Variants in CTBP1 observed in about 807,000 individuals in gnomAD.
CTBP1 encodes the protein C-terminal binding protein 1.
In CTBP1, 11 loss-of-function variants were observed where a neutral mutation model predicts 42.1. That is an observed-to-expected ratio of 0.26 (90% CI 0.16 to 0.43). The LOEUF (loss-of-function observed/expected upper bound fraction) is 0.43. Among genes scored for constraint, CTBP1 ranks in the 20% least tolerant of loss-of-function variants. The pLI, the probability that CTBP1 is intolerant of heterozygous loss-of-function variation, is 1.00. For missense variants in CTBP1, 399 were observed against 624.3 expected, an observed-to-expected ratio of 0.64 and a Z score of 3.85; for synonymous variants, 324 against 277.1, an observed-to-expected ratio of 1.17 and a Z score of -1.68.
intron 3 of CTBP1, among the ~76,000 whole-genome samples, chr4:1,229,147 C>T (rs989107380): frequency 1.3e-5 from 2 of 152,224 alleles, no homozygotes; most frequent in South Asian, 2.1e-4. Flanking sequence ...GCCAAGGGCT[C>T]CCAGTTACCC....
intron 5 of CTBP1, among the ~76,000 whole-genome samples, chr4:1,222,324 C>T (rs920755889): frequency 6.6e-6 from 1 of 151,760 alleles, no homozygotes; most frequent in Non-Finnish European, 1.5e-5. Flanking sequence ...GCTCGTGTCC[C>T]TAAGGACAGA....
chr4:1,223,729 C>A (rs1294096026), intron 5 of CTBP1, among the ~76,000 whole-genome samples: 2 of 151,712 alleles, frequency 1.3e-5, no homozygotes, highest in African/African-American at 4.8e-5. Context: ...CCCAGATGCT[C>A]CCCCTCCCTC....
chr4:1,225,390 G>GTCACCTCGCCACCCC lies in CTBP1; in HGVS notation c.483_484insGGGGTGGCGAGGTGA (p.Ile161_Arg162insGlyValAlaArgTer). The stretch of plus-strand genomic sequence containing the variant: ...CCGATGATGCCCAAGGTCTCCCCGC[G>GTCACCTCGCCACCCC]GATCCTGGCAGCGCCGGACGCCACC... On this transcript the variant is annotated stop_gained and inframe_insertion, in exon 5 of 10. Coordinates refer to ENST00000382952, the MANE Select transcript of CTBP1 (RefSeq NM_001012614.2). LOFTEE classifies it high-confidence loss of function. 1 of 1,567,170 alleles carries GTCACCTCGCCACCCC rather than the reference G, an allele frequency of 6.4e-7. No individual in the cohort carries two copies. The highest frequency in any genetic ancestry group is 8.6e-7 in the Non-Finnish European group (1 of 1,161,098).
chr4:1,242,640 C>A, intron 1 of CTBP1: 1 of 985,448 alleles, frequency 1.0e-6, no homozygotes, highest in Non-Finnish European at 1.2e-6. Context: ...CCCAACACCA[C>A]TCCTCATGGC....
In CTBP1 at chr4:1,238,426, C is replaced by A; in HGVS notation, c.8-89G>T. The A allele has an allele frequency of 1.4e-6, 2 of 1,441,854 alleles. No individual in the cohort carries two copies. Among genetic ancestry groups the A allele is most frequent in the Non-Finnish European group, 1.8e-6 (2 of 1,086,072 alleles). The allele number at this position is 1,441,854 out of a possible 1,614,324, so 89.3% of individuals were successfully genotyped here. On this transcript the variant is annotated intron_variant, in intron 2 of 9. Coordinates refer to ENST00000382952, the MANE Select transcript of CTBP1 (RefSeq NM_001012614.2). The surrounding 1 kb of genome is among the most constrained non-coding windows in gnomAD (Gnocchi z 5.9). ...ACGCCACCCACTGTGCACGGGCCAA[C>A]GAGGGCCGACCGCCGGGGGTTTTCT... is the stretch of plus-strand genomic sequence containing the variant.
At chr4:1,237,183 C>T (rs934014056) in intron 3 of CTBP1, 15 of 665,936 alleles carry the variant, frequency 2.3e-5, no homozygotes, top group Non-Finnish European at 3.5e-5. Flanking sequence ...TCAGGATAAA[C>T]CGAGTGTCCA....
Position 1,224,810 on chromosome 4 carries a change from C to T in CTBP1, c.514+550G>A, listed in dbSNP as rs576748208. On this transcript the variant is annotated intron_variant, in intron 5 of 9. Transcript: ENST00000382952. ...GATGTCCATGTGTGATTTCTGTGTG[C>T]GCCCGTGAGGTCATGTATACTGTGA... Among the ~76,000 whole-genome samples the T allele has an allele frequency of 1.6e-3, 236 of 147,578 alleles. 1 individual carries two copies. Among genetic ancestry groups the T allele is most frequent in the African/African-American group, 5.6e-3 (224 of 39,666 alleles).
chr4:1,238,806 C>G lies in CTBP1; in HGVS notation c.8-469G>C, dbSNP rs1395044211. Among the ~76,000 whole-genome samples the G allele has an allele frequency of 6.6e-6, 1 of 151,588 alleles. No homozygotes were observed. Among genetic ancestry groups the G allele is most frequent in the Non-Finnish European group, 1.5e-5 (1 of 67,894 alleles). Reference sequence around the variant, plus strand: ...CTAGGCCCTCCAAGACCCTCTGAGACCCCCCGAGACCCTCCCAGACCGTCC... The same window carrying G: ...CTAGGCCCTCCAAGACCCTCTGAGAGCCCCCGAGACCCTCCCAGACCGTCC... On this transcript the variant is annotated intron_variant, in intron 2 of 9. Coordinates refer to ENST00000382952, the MANE Select transcript of CTBP1 (RefSeq NM_001012614.2). The surrounding 1 kb of genome is among the most constrained non-coding windows in gnomAD (Gnocchi z 5.9).
At chr4:1,223,686 G>A (rs1220501168) in intron 5 of CTBP1, among the ~76,000 whole-genome samples, 1 of 151,352 alleles carries the variant, frequency 6.6e-6, no homozygotes, top group Admixed American at 6.6e-5. Context: ...CACCCTCTCA[G>A]GGAGCACCTT....
intron 8 of CTBP1, among the ~76,000 whole-genome samples, 161 bp downstream of exon 8, chr4:1,213,317 T>TA (rs1157622445): frequency 2.6e-5 from 4 of 152,126 alleles, no homozygotes; most frequent in African/African-American, 7.2e-5. Flanking sequence ...GGGCTCAACT[T>TA]GACTTTGGCC....
intron 1 of CTBP1, chr4:1,244,125 A>G: frequency 1.0e-6 from 1 of 985,362 alleles, no homozygotes; most frequent in Non-Finnish European, 1.2e-6. Context: ...CGATGACCCC[A>G]GAGCCTCCTG....
rs1219053824 is a variant in CTBP1, at chr4:1,214,565, G to C, written c.730-92C>G. On this transcript the variant is annotated intron_variant, in intron 6 of 9. Coordinates refer to ENST00000382952, the MANE Select transcript of CTBP1 (RefSeq NM_001012614.2). The stretch of plus-strand genomic sequence containing the variant: ...AGGTGGTCACGCACGCCGTTGGGAA[G>C]GCCCAGCTCCCTAGCCCCTTCCCAG... 7 of 1,446,198 alleles carry C rather than the reference G, an allele frequency of 4.8e-6. No homozygotes were observed. In the East Asian group the frequency reaches 2.0e-4, roughly 41 times the overall value. The allele number at this position is 1,446,198 out of a possible 1,614,324, so 89.6% of individuals were successfully genotyped here.
chr4:1,225,763 C>T (rs549879968), intron 4 of CTBP1, among the ~76,000 whole-genome samples, 197 bp from the exon 5 acceptor site: 88 of 152,302 alleles, frequency 5.8e-4, no homozygotes, highest in African/African-American at 2.0e-3. Flanking sequence ...TCCAGGAGCC[C>T]CACCTCCACT....
intron 3 of CTBP1, chr4:1,234,781 CA>C (rs1731314300): frequency 6.6e-6 from 1 of 152,200 alleles, no homozygotes; most frequent in Non-Finnish European, 1.5e-5. Flanking sequence ...GGGCACTGTC[CA>C]AACCGAGCTG....
chr4:1,246,974 T>C (rs546284563), intron 1 of CTBP1, among the ~76,000 whole-genome samples: 1 of 152,172 alleles, frequency 6.6e-6, no homozygotes, highest in African/African-American at 2.4e-5. Flanking sequence ...CACCAGGACA[T>C]GGCAGGGGGC....
chr4:1,224,296 C>T (rs1469690405), intron 5 of CTBP1, among the ~76,000 whole-genome samples: 4 of 151,766 alleles, frequency 2.6e-5, no homozygotes, highest in Admixed American at 1.3e-4. Flanking sequence ...TCTGTATGTC[C>T]CCGTGCGGCC....
In CTBP1 at chr4:1,241,405, C is replaced by A; in HGVS notation, c.-74G>T. 2.3e-6 allele frequency: 3 copies of A among 1,298,744 alleles called. No homozygotes were observed. The Admixed American group carries it at 5.0e-5, about 22-fold the overall frequency. 80.5% of individuals were successfully genotyped at this position (1,298,744 alleles called of 1,614,324 possible). On this transcript the variant is annotated 5_prime_UTR_variant, in exon 2 of 10. Coordinates refer to ENST00000382952, the MANE Select transcript of CTBP1 (RefSeq NM_001012614.2). Reference sequence around the variant, plus strand: ...GCTTTTTATCTTCAGGATCCCCAGGCAGAACCGCGTCCTGTCTCGGAGCCT... The same window carrying A: ...GCTTTTTATCTTCAGGATCCCCAGGAAGAACCGCGTCCTGTCTCGGAGCCT...
At chr4:1,249,979 G>A, upstream of CTBP1, 1 of 165,808 alleles carries the variant, frequency 6.0e-6, no homozygotes, top group South Asian at 1.1e-4. Flanking sequence ...GGCTGCCCCT[G>A]CAGACTCTCC....
intron 3 of CTBP1, among the ~76,000 whole-genome samples, chr4:1,231,572 C>G (rs1273153131): frequency 1.3e-5 from 2 of 152,232 alleles, no homozygotes; most frequent in Admixed American, 1.3e-4. Context: ...GCCCGCCAAG[C>G]CCACCTCCTG....
Sources: gnomAD v4.1 joint callset for allele counts (sites outside exome capture counted in the v4.1 genomes callset) on GRCh38, gnomAD v4.1.1 for gene constraint, Gnocchi (gnomAD v3.1) non-coding constraint, MANE v1.5 for transcripts, NCBI Gene and HGNC (gene_info 2026-07-23, HGNC 2026-07-21) for gene names.